Variants in MTMR11 observed in about 807,000 individuals in gnomAD.
MTMR11 encodes myotubularin-related protein 11.
MTMR11 carries 89 observed loss-of-function variants against 100.0 expected under a neutral mutation model. That is an observed-to-expected ratio of 0.89 (90% CI 0.75 to 1.06). MTMR11 has a LOEUF of 1.06. Ranked by LOEUF, MTMR11 falls within the 50% of genes least tolerant of loss-of-function variation. MTMR11 has a pLI of 0.00. For synonymous variants in MTMR11, 336 were observed against 326.3 expected, an observed-to-expected ratio of 1.03 and a Z score of -0.32; for missense variants, 809 against 873.7, an observed-to-expected ratio of 0.93 and a Z score of 0.93.
intron 16 of MTMR11, 29 bp from the exon 17 acceptor site, chr1:149,929,346 A>G (rs1553766841): frequency 6.3e-7 from 1 of 1,580,924 alleles, no homozygotes; most frequent in Non-Finnish European, 8.7e-7. Context: ...GGAACAGAGA[A>G]GAATACTGTT....
Position 149,929,134 on chromosome 1 carries a change from C to G in MTMR11, c.2125G>C (p.Gly709Arg). 1 of 1,611,896 alleles carries G rather than the reference C, an allele frequency of 6.2e-7. No individual in the cohort carries two copies. The highest frequency in any genetic ancestry group is 8.5e-7 in the Non-Finnish European group (1 of 1,178,576). Residue 709 changes from glycine to arginine, a missense_variant, in exon 17 of 17, where the codon GGG (glycine) becomes CGG (arginine). By Grantham distance (125) the Gly-to-Arg change is moderately radical. Coordinates refer to ENST00000439741, the MANE Select transcript of MTMR11 (RefSeq NM_001145862.2). ...ILKGRAEGDL[G>R] ...AGATTAGACAGAACCCTCCTCTACCCCAGATCCCCCTCTGCCCTGCCTTTG... is the reference window on the plus strand; with the variant it reads ...AGATTAGACAGAACCCTCCTCTACCGCAGATCCCCCTCTGCCCTGCCTTTG...
At chr1:149,929,986 G>T (rs1553767118) in intron 15 of MTMR11, 70 bp from the exon 16 acceptor site, 17 of 1,491,174 alleles carry the variant, frequency 1.1e-5, no homozygotes, top group Non-Finnish European at 1.4e-5. Context: ...TCTGGATCAG[G>T]ACAGGGTGTC....
At chr1:149,931,865 C>T in intron 12 of MTMR11, 79 bp downstream of exon 12, 1 of 1,307,342 alleles carries the variant, frequency 7.6e-7, no homozygotes, top group Admixed American at 1.7e-5. Context: ...CCTTATGGGT[C>T]TCCCTCCCTG....
intron 8 of MTMR11, 46 bp downstream of exon 8, chr1:149,933,809 A>G: frequency 2.5e-6 from 4 of 1,608,596 alleles, no homozygotes; most frequent in Non-Finnish European, 3.4e-6. Context: ...TCCCTGGCCC[A>G]CATGACCCTC....
chr1:149,934,667 T>C, intron 5 of MTMR11, 141 bp from the exon 6 acceptor site: 1 of 919,244 alleles, frequency 1.1e-6, no homozygotes, highest in Non-Finnish European at 1.6e-6. Flanking sequence ...GGGGGCTTCC[T>C]CAGGTCATGG....
At chr1:149,932,220 G>C in intron 11 of MTMR11, 44 bp downstream of exon 11, 1 of 1,588,662 alleles carries the variant, frequency 6.3e-7, no homozygotes, top group Non-Finnish European at 8.6e-7. Context: ...GAAGGTTGAG[G>C]AAGGTTGAAT....
chr1:149,932,354 A>G, intron 10 of MTMR11, 24 bp from the exon 11 acceptor site: 1 of 1,593,280 alleles, frequency 6.3e-7, no homozygotes, highest in South Asian at 1.1e-5. Flanking sequence ...GAAAGATCAG[A>G]AGGGCAAGAG....
At position 149,929,798 on chromosome 1, in the gene MTMR11, G is replaced by T; in HGVS notation, c.1766C>A (p.Ser589Tyr). 6.2e-7 allele frequency: 1 copy of T among 1,614,206 alleles called. No individual in the cohort carries two copies. The highest frequency in any genetic ancestry group is 8.5e-7 in the Non-Finnish European group (1 of 1,180,032). The change falls in exon 16 of 17, where the codon TCT becomes TAT. Residue 589 changes from serine (S) to tyrosine (Y), a missense_variant. By Grantham distance (144) the Ser-to-Tyr change is moderately radical. Transcript: ENST00000439741. ...RDSPSLLAVS[S>Y]RWLPRPAISS... ...GATAGCAGGTCGAGGGAGCCAACGAGAAGAGACTGCCAGCAGGGAAGGACT... is the reference window on the plus strand; with the variant it reads ...GATAGCAGGTCGAGGGAGCCAACGATAAGAGACTGCCAGCAGGGAAGGACT...
In MTMR11 at chr1:149,930,450, CG is replaced by C. The variant is rs782199819; in HGVS notation, c.1561del (p.Arg521ValfsTer49). 3 of 1,613,928 alleles carry C rather than the reference CG, an allele frequency of 1.9e-6. No individual in the cohort carries two copies. The Admixed American group carries it at 5.0e-5, about 27-fold the overall frequency. On this transcript the variant is annotated frameshift_variant, in exon 15 of 17. Transcript: ENST00000439741. LOFTEE classifies it high-confidence loss of function. Reference protein sequence around the residue: ...LQLSVWDWDLRYSNAQILQFQ... With the variant: ...LQLSVWDWDLXYSNAQILQFQ... The stretch of plus-strand genomic sequence containing the variant: ...TTGTAGTATCTGTGCATTGCTATAA[CG>C]TAAATCCCAGTCCCAGACAGACAGC...
chr1:149,936,590 C>T lies in MTMR11; in HGVS notation c.58G>A (p.Glu20Lys), dbSNP rs1272630896. Residue 20 changes from glutamate to lysine, a missense_variant, in exon 1 of 17, where the codon GAG (glutamate) becomes AAG (lysine). Glu to Lys is a moderately conservative substitution (Grantham distance 56). Coordinates refer to ENST00000439741, the MANE Select transcript of MTMR11 (RefSeq NM_001145862.2). ...AAATTCCTTCTCCTTACCCCCATCT[C>T]TGGCTCCTCCTTCTGGGGGGCAATG... ...FNIAPQKEEP[E>K]MGSVQENRMP... is the part of the protein sequence containing the mutation. 2 of 1,535,700 alleles carry T rather than the reference C, an allele frequency of 1.3e-6. No homozygotes were observed. Among genetic ancestry groups the T allele is most frequent in the Non-Finnish European group, 1.8e-6 (2 of 1,133,182 alleles).
In MTMR11 at chr1:149,930,983, G is replaced by A; in HGVS notation, c.1291-18C>T. The A allele has an allele frequency of 1.3e-6, 2 of 1,584,570 alleles. No homozygotes were observed. The highest frequency in any genetic ancestry group is 1.7e-6 in the Non-Finnish European group (2 of 1,167,914). On this transcript the variant is annotated intron_variant, in intron 13 of 16. Transcript: ENST00000439741. ...ACCGGAGCCTGAAAAGAAATTAAGA[G>A]GTTGGAAGGGATTATTGGGACCCAA...
intron 3 of MTMR11, 26 bp downstream of exon 3, chr1:149,935,558 C>T (rs146215404): frequency 1.0e-4 from 162 of 1,610,628 alleles, no homozygotes; most frequent in Non-Finnish European, 1.3e-4. Flanking sequence ...CACTAGCTGT[C>T]ATTTCTGTGG....
chr1:149,934,237 C>T lies in MTMR11; in HGVS notation c.637G>A (p.Gly213Ser). The stretch of plus-strand genomic sequence containing the variant: ...TCGTTGACCGTGCTGACCCTCCAGC[C>T]TCTGGCTGCCTGCTTCTTCCGCTCA... ...ETERKKQAAR[G>S]WRVSTVNERF... The change falls in exon 7 of 17, where the codon GGC becomes AGC. Residue 213 changes from glycine (G) to serine (S), a missense_variant. Coordinates refer to ENST00000439741, the MANE Select transcript of MTMR11 (RefSeq NM_001145862.2). 1 of 1,614,202 alleles carries T rather than the reference C, an allele frequency of 6.2e-7. No individual in the cohort carries two copies. The highest frequency in any genetic ancestry group is 8.5e-7 in the Non-Finnish European group (1 of 1,180,038).
rs782480152 is a variant in MTMR11 at position 149,935,288 on chromosome 1, C to G, written c.325+11G>C. The G allele has an allele frequency of 6.2e-7, 1 of 1,613,450 alleles. No homozygotes were observed. Among genetic ancestry groups the G allele is most frequent in the Non-Finnish European group, 8.5e-7 (1 of 1,179,590 alleles). On this transcript the variant is annotated intron_variant, in intron 4 of 16. Coordinates refer to ENST00000439741, the MANE Select transcript of MTMR11 (RefSeq NM_001145862.2). ...CAGTGAACCCCTTCACCAAACCCCCCCCCAACTTACCAGCCTCTAATCGTC... is the reference window on the plus strand; with the variant it reads ...CAGTGAACCCCTTCACCAAACCCCCGCCCAACTTACCAGCCTCTAATCGTC...
At chr1:149,936,073 G>T in intron 2 of MTMR11, 81 bp downstream of exon 2, 2 of 1,419,614 alleles carry the variant, frequency 1.4e-6, no homozygotes, top group Non-Finnish European at 2.0e-6. Flanking sequence ...GGAACACAGG[G>T]GTATCTTTGG....
At chr1:149,934,628 G>C in intron 5 of MTMR11, 102 bp from the exon 6 acceptor site, 1 of 1,220,454 alleles carries the variant, frequency 8.2e-7, no homozygotes, top group Non-Finnish European at 1.2e-6. Context: ...CAAGAATGAA[G>C]AAGAACAGTG....
Position 149,933,835 on chromosome 1 carries a change from A to G in MTMR11, c.771+20T>C. The stretch of plus-strand genomic sequence containing the variant: ...CATGACCCTCTAATCCACAGCCATT[A>G]CCCTAACCATCACACTGACCGGTCC... On this transcript the variant is annotated intron_variant, in intron 8 of 16. Coordinates refer to ENST00000439741, the MANE Select transcript of MTMR11 (RefSeq NM_001145862.2). The G allele has an allele frequency of 6.2e-7, 1 of 1,612,544 alleles. No homozygotes were observed. Among genetic ancestry groups the G allele is most frequent in the Non-Finnish European group, 8.5e-7 (1 of 1,178,624 alleles).
chr1:149,935,109 G>A lies in MTMR11; in HGVS notation c.345C>T (p.Val115=). 2 of 1,614,130 alleles carry A rather than the reference G, an allele frequency of 1.2e-6. No individual in the cohort carries two copies. The highest frequency in any genetic ancestry group is 1.7e-6 in the Non-Finnish European group (2 of 1,180,020). The change falls in exon 5 of 17, where the codon GTC becomes GTT. Residue 115 remains valine (V), a synonymous_variant. Transcript: ENST00000439741. ...RLEAVSGLSR[V]QLLRPGSLHK... ...GCAGGGACCCTGGACGGAGGAGCTG[G>A]ACTCGGGACAAGCCGCTCACTGAAG...
chr1:149,928,907 AAAAC>A lies in MTMR11; in HGVS notation c.*218_*221del. 1 of 1,614,186 alleles carries A rather than the reference AAAAC, an allele frequency of 6.2e-7. No homozygotes were observed. The highest frequency in any genetic ancestry group is 2.2e-5 in the East Asian group (1 of 44,884). Reference sequence around the variant, plus strand: ...CCAGAAGGGATGGGATTGGCCTAAAAAAACCGATCAATTTCTGGATTGTTTTTGT... The same window carrying A: ...CCAGAAGGGATGGGATTGGCCTAAAACGATCAATTTCTGGATTGTTTTTGT... On this transcript the variant is annotated 3_prime_UTR_variant, in exon 17 of 17. Transcript: ENST00000439741.
Sources: gnomAD v4.1 joint callset for allele counts on GRCh38, gnomAD v4.1.1 for gene constraint, MANE v1.5 for transcripts, NCBI Gene and HGNC (gene_info 2026-07-23, HGNC 2026-07-21) for gene names.